The following KHDRBS2 variants were observed in gnomAD, a reference collection of about 807,000 sequenced individuals.
KHDRBS2 encodes the protein KH RNA binding domain containing, signal transduction associated 2, also known as KH domain-containing, RNA-binding, signal transduction-associated protein 2.
In KHDRBS2, 26 loss-of-function variants were observed where a neutral mutation model predicts 44.3. That is an observed-to-expected ratio of 0.59 (90% confidence interval 0.43 to 0.81). The LOEUF is 0.81. KHDRBS2 is among the 40% of genes least tolerant of loss of function. The pLI, the probability that KHDRBS2 is intolerant of heterozygous loss-of-function variation, is 0.00. For missense variants in KHDRBS2, 476 were observed against 433.1 expected (o/e 1.10, Z -0.88); for synonymous variants, 194 against 151.1 (o/e 1.28, Z -2.08).
intron 2 of KHDRBS2, among the ~76,000 whole-genome samples, chr6:62,127,430 C>T (rs1052419382): frequency 4.6e-5 from 7 of 151,952 alleles, no homozygotes; most frequent in African/African-American, 1.7e-4. Flanking sequence ...AAGATTAAAA[C>T]ATAAAACTGG....
chr6:61,995,000 T>C (rs1442720011), intron 3 of KHDRBS2, among the ~76,000 whole-genome samples: 4 of 152,050 alleles, frequency 2.6e-5, no homozygotes, highest in Non-Finnish European at 5.9e-5. Context: ...GCATAGGGAA[T>C]AGAATAGAAA....
intron 3 of KHDRBS2, among the ~76,000 whole-genome samples, chr6:61,997,897 CAGAA>C (rs1174176883): frequency 2.6e-5 from 4 of 152,076 alleles, no homozygotes; most frequent in Admixed American, 2.6e-4. Context: ...ACTGCACATT[CAGAA>C]AGAGTTAGAT....
chr6:62,128,236 G>A (rs1384516345), intron 2 of KHDRBS2, among the ~76,000 whole-genome samples: 1 of 152,050 alleles, frequency 6.6e-6, no homozygotes, highest in African/African-American at 2.4e-5. Context: ...AGAATTATGG[G>A]CCTATGACTC....
chr6:61,544,177 T>G, the KHDRBS2 span, among the ~76,000 whole-genome samples: 2 of 152,122 alleles, frequency 1.3e-5, no homozygotes, highest in East Asian at 3.9e-4. Flanking sequence ...CTGATATGAT[T>G]ATTATGCATT....
intron 3 of KHDRBS2, among the ~76,000 whole-genome samples, chr6:61,982,711 A>T: frequency 6.6e-6 from 1 of 151,846 alleles, no homozygotes; most frequent in Non-Finnish European, 1.5e-5. Flanking sequence ...AGACTGATTA[A>T]AGATTTTCAG....
chr6:61,945,099 A>AT (rs1562489783), intron 4 of KHDRBS2, among the ~76,000 whole-genome samples: 1,196 of 67,906 alleles, frequency 0.018, 69 homozygotes, highest in East Asian at 0.053. Flanking sequence ...TTAAAAAAAA[A>AT]AAAAAAAAAA....
intron 6 of KHDRBS2, among the ~76,000 whole-genome samples, chr6:61,823,145 T>C (rs995530332): frequency 2.0e-5 from 3 of 151,978 alleles, no homozygotes; most frequent in Admixed American, 1.3e-4. Flanking sequence ...CTGACTAGAC[T>C]CAGTTGCAAA....
intron 7 of KHDRBS2, among the ~76,000 whole-genome samples, chr6:61,715,514 T>G (rs1771251862): frequency 6.6e-6 from 1 of 151,966 alleles, no homozygotes. Context: ...TCTTTGTCTT[T>G]GCAAGTGATG....
chr6:61,614,445 T>C, the KHDRBS2 span, among the ~76,000 whole-genome samples: 1 of 152,230 alleles, frequency 6.6e-6, no homozygotes, highest in African/African-American at 2.4e-5. Flanking sequence ...ACAACCTCAA[T>C]TCACTACAAA....
intron 1 of KHDRBS2, among the ~76,000 whole-genome samples, chr6:62,234,288 C>A (rs1833354917): frequency 2.0e-5 from 3 of 152,124 alleles, no homozygotes; most frequent in Admixed American, 2.0e-4. Context: ...GAAAAGTAAT[C>A]TGATCTTTCT....
intron 1 of KHDRBS2, among the ~76,000 whole-genome samples, chr6:62,255,917 A>T (rs1010745288): frequency 6.6e-6 from 1 of 151,886 alleles, no homozygotes; most frequent in Non-Finnish European, 1.5e-5. Context: ...AGATAACTTG[A>T]GGTCAGGAGT....
chr6:61,761,941 T>A lies in KHDRBS2; in HGVS notation c.811-29177A>T, dbSNP rs533115878. Among the ~76,000 whole-genome samples, 12 of 152,284 alleles carry A rather than the reference T, an allele frequency of 7.9e-5. No homozygotes were observed. The East Asian group carries it at 1.4e-3, about 17-fold the overall frequency. ...AACAAAAATATCAGTTCAGCTATAA[T>A]AAATAATGAAAATATAAATCAAAAT... On this transcript the variant is annotated intron_variant, in intron 6 of 8. Coordinates refer to ENST00000281156, the MANE Select transcript of KHDRBS2 (RefSeq NM_152688.4).
At chr6:61,637,115 G>A in the KHDRBS2 span, among the ~76,000 whole-genome samples, 2 of 151,966 alleles carry the variant, frequency 1.3e-5, no homozygotes, top group African/African-American at 4.8e-5. Context: ...CATGTGCCAT[G>A]CTGGTGTGCT....
At chr6:62,242,041 G>T (rs1743098961) in intron 1 of KHDRBS2, among the ~76,000 whole-genome samples, 1 of 152,090 alleles carries the variant, frequency 6.6e-6, no homozygotes, top group South Asian at 2.1e-4. Flanking sequence ...TTTGTAGTCT[G>T]TATCAAATGA....
chr6:62,284,173 G>C (rs530992254), intron 1 of KHDRBS2, among the ~76,000 whole-genome samples: 1 of 152,102 alleles, frequency 6.6e-6, no homozygotes, highest in Admixed American at 6.5e-5. Context: ...TCTGTTAAGA[G>C]TTTCTTGTAT....
intron 1 of KHDRBS2, among the ~76,000 whole-genome samples, chr6:62,268,458 C>T (rs1483554765): frequency 6.6e-6 from 1 of 152,026 alleles, no homozygotes; most frequent in East Asian, 1.9e-4. Context: ...ATGCTGGCCG[C>T]TAACATGCCC....
At chr6:61,637,583 G>GT in the KHDRBS2 span, among the ~76,000 whole-genome samples, 1 of 152,182 alleles carries the variant, frequency 6.6e-6, no homozygotes, top group East Asian at 1.9e-4. Flanking sequence ...GGTATTTCTA[G>GT]TTCTAGATCC....
At chr6:61,568,820 G>A in the KHDRBS2 span, among the ~76,000 whole-genome samples, 2 of 152,208 alleles carry the variant, frequency 1.3e-5, no homozygotes, top group Non-Finnish European at 2.9e-5. Flanking sequence ...GGCCCTCAGG[G>A]AAGGCAGCAA....
intron 6 of KHDRBS2, among the ~76,000 whole-genome samples, chr6:61,784,193 T>C (rs1439138021): frequency 2.0e-5 from 3 of 151,812 alleles, no homozygotes; most frequent in Non-Finnish European, 4.4e-5. Context: ...CACATGTATA[T>C]TCCTAAAAAT....
Sources: allele counts gnomAD v4.1 joint callset (sites outside exome capture counted in the v4.1 genomes callset), GRCh38; gene constraint gnomAD v4.1.1; transcripts MANE v1.5; gene names NCBI Gene and HGNC (gene_info 2026-07-23, HGNC 2026-07-21).